WDFY4: variants seen among roughly 807,000 people sequenced by gnomAD.
WDFY4 encodes the protein WDFY family member 4, also known as WD repeat- and FYVE domain-containing protein 4.
A neutral mutation model predicts 351.9 loss-of-function variants in WDFY4; 169 were observed. The observed-to-expected ratio is 0.48, with a 90% CI of 0.42 to 0.55. WDFY4 has a LOEUF of 0.55. WDFY4 is among the 20% of genes least tolerant of loss of function. The probability of loss-of-function intolerance (pLI) is 0.00; values close to 1 mark genes in which losing one functional copy is unlikely to be tolerated. For synonymous variants in WDFY4, 1,622 were observed against 1,574.6 expected, an observed-to-expected ratio of 1.03 and a Z score of -0.71; for missense variants, 3,803 against 3,935.6, an observed-to-expected ratio of 0.97 and a Z score of 0.90.
intron 25 of WDFY4, chr10:48,804,889 A>C: frequency 1.6e-5 from 9 of 574,024 alleles, no homozygotes; most frequent in Non-Finnish European, 1.8e-5. Context: ...CAAGCTAGTG[A>C]AGGGCCCTGC....
chr10:48,829,991 A>C (rs2068133276), intron 37 of WDFY4, among the ~76,000 whole-genome samples: 1 of 152,214 alleles, frequency 6.6e-6, no homozygotes, highest in Non-Finnish European at 1.5e-5. Flanking sequence ...CTTGGCCAGT[A>C]GAGCTGGGCT....
At chr10:48,724,506 C>T (rs758704215) in intron 5 of WDFY4, among the ~76,000 whole-genome samples, 13 of 152,048 alleles carry the variant, frequency 8.5e-5, no homozygotes, top group Admixed American at 2.0e-4. Context: ...GAGGCCAGGA[C>T]GCTGCACCAG....
chr10:48,774,719 C>A, intron 14 of WDFY4, 47 bp downstream of exon 14: 1 of 1,546,878 alleles, frequency 6.5e-7, no homozygotes, highest in Non-Finnish European at 8.7e-7. Context: ...GCAGCCATGT[C>A]CTTTGCAGGG....
rs1244627099 is a variant in WDFY4, at chr10:48,821,134, C to T, written c.5782C>T (p.Leu1928=). The change falls in exon 34 of 62, where the codon CTA becomes TTA. Residue 1928 remains leucine, a synonymous_variant. Transcript: ENST00000325239. ...CGAGGTCCTGCTTTCTGCTATGGAA[C>T]TATTCCACATGACAAGTGGAGGTGA... The part of the protein sequence containing the change: ...QSEVLLSAME[L]FHMTSGGDAA... 6.4e-7 allele frequency: 1 copy of T among 1,551,718 alleles called. No homozygotes were observed. The highest frequency in any genetic ancestry group is 2.0e-5 in the Admixed American group (1 of 51,004).
At chr10:48,756,046 T>A (rs1437715820) in intron 12 of WDFY4, among the ~76,000 whole-genome samples, 1 of 152,074 alleles carries the variant, frequency 6.6e-6, no homozygotes, top group African/African-American at 2.4e-5. Flanking sequence ...AATGATCAGC[T>A]TGCCTATATC....
At chr10:48,922,741 A>T (rs138774766) in intron 47 of WDFY4, among the ~76,000 whole-genome samples, 25 of 152,328 alleles carry the variant, frequency 1.6e-4, no homozygotes, top group African/African-American at 6.0e-4. Context: ...ACATGCGACA[A>T]CTTGGATGAA....
rs1264722181 is a variant in WDFY4 at position 48,981,274 on chromosome 10, G to A, written c.9377-93G>A. Reference sequence around the variant, plus strand: ...AGTTGCTGACCACAAATATAAATATGTGCGTATGTGTTTGCGGCCCCGTGT... The same window carrying A: ...AGTTGCTGACCACAAATATAAATATATGCGTATGTGTTTGCGGCCCCGTGT... On this transcript the variant is annotated intron_variant, in intron 60 of 61. Transcript: ENST00000325239. 3 of 973,716 alleles carry A rather than the reference G, an allele frequency of 3.1e-6. No homozygotes were observed. In the African/African-American group the frequency reaches 4.9e-5, roughly 16 times the overall value. The allele number at this position is 973,716 out of a possible 1,614,324, so 60.3% of individuals were successfully genotyped here.
chr10:48,883,394 G>T (rs889772021), intron 43 of WDFY4, among the ~76,000 whole-genome samples: 9 of 152,106 alleles, frequency 5.9e-5, no homozygotes, highest in African/African-American at 1.9e-4. Flanking sequence ...CAAGGGGTGT[G>T]TGTGTGTGTG....
chr10:48,728,710 T>C (rs550896909), intron 7 of WDFY4, among the ~76,000 whole-genome samples: 7 of 152,390 alleles, frequency 4.6e-5, no homozygotes, highest in African/African-American at 1.7e-4. Flanking sequence ...ACATTTTGCA[T>C]TGGTCTGGGC....
At position 48,821,109 on chromosome 10, in the gene WDFY4, C is replaced by A. The variant is rs751254072; in HGVS notation, c.5757C>A (p.Ser1919=). The part of the protein sequence containing the change: ...ATSQQKRDFQ[S]EVLLSAMELF... ...GCCAACAGAAGCGAGACTTCCAGTC[C>A]GAGGTCCTGCTTTCTGCTATGGAAC... Residue 1919 remains serine (S), a synonymous_variant, in exon 34 of 62, where the codon TCC becomes TCA. Coordinates refer to ENST00000325239, the MANE Select transcript of WDFY4 (RefSeq NM_001394531.1). The A allele has an allele frequency of 5.8e-6, 9 of 1,551,566 alleles. No individual in the cohort carries two copies. In the Admixed American group the frequency reaches 1.8e-4, roughly 30 times the overall value.
chr10:48,903,147 A>G (rs1196150415), intron 47 of WDFY4, among the ~76,000 whole-genome samples: 1 of 152,144 alleles, frequency 6.6e-6, no homozygotes, highest in African/African-American at 2.4e-5. Flanking sequence ...CAGTTAATTG[A>G]GTAAAGAGTG....
intron 47 of WDFY4, among the ~76,000 whole-genome samples, chr10:48,922,485 G>A (rs1486141328): frequency 1.3e-5 from 2 of 152,204 alleles, no homozygotes; most frequent in African/African-American, 2.4e-5. Flanking sequence ...CAGCAAGAAT[G>A]AATCTTCTAT....
At chr10:48,748,080 C>A (rs7914884) in intron 12 of WDFY4, among the ~76,000 whole-genome samples, 20,120 of 152,180 alleles carry the variant, frequency 0.13, 1,530 homozygotes, top group African/African-American at 0.2. Context: ...CAGGGGCAAT[C>A]CCTGAGGAGG....
chr10:48,867,419 C>T, intron 40 of WDFY4, 77 bp downstream of exon 40: 1 of 955,650 alleles, frequency 1.0e-6, no homozygotes, highest in Admixed American at 3.4e-5. Context: ...TTGGAAGGGC[C>T]TTTGGTTTAC....
intron 37 of WDFY4, among the ~76,000 whole-genome samples, chr10:48,829,322 G>A (rs2068110825): frequency 6.6e-6 from 1 of 152,154 alleles, no homozygotes; most frequent in Admixed American, 6.5e-5. Context: ...TAAATGAGAA[G>A]GGATTAAACA....
intron 60 of WDFY4, 57 bp from the exon 61 acceptor site, chr10:48,981,310 A>G: frequency 6.8e-7 from 1 of 1,474,636 alleles, no homozygotes; most frequent in Middle Eastern, 1.7e-4. Flanking sequence ...GCAGATGCAC[A>G]CTGTATGTGC....
chr10:48,741,855 C>A (rs1435596708), intron 11 of WDFY4, among the ~76,000 whole-genome samples: 1 of 152,194 alleles, frequency 6.6e-6, no homozygotes, highest in African/African-American at 2.4e-5. Context: ...TACTAAGGAA[C>A]CCACAAGGTT....
chr10:48,689,752 G>GAACCA (rs1451138974), intron 1 of WDFY4, among the ~76,000 whole-genome samples: 1 of 152,178 alleles, frequency 6.6e-6, no homozygotes, highest in African/African-American at 2.4e-5. Context: ...AAAGCCACTT[G>GAACCA]AACCAAATAA....
intron 39 of WDFY4, among the ~76,000 whole-genome samples, chr10:48,834,706 G>T (rs2068320300): frequency 6.6e-6 from 1 of 152,218 alleles, no homozygotes. Flanking sequence ...GGACAGCCTG[G>T]CTGGGAGCTA....
Sources: gnomAD v4.1 joint callset for allele counts (sites outside exome capture counted in the v4.1 genomes callset) on GRCh38, gnomAD v4.1.1 for gene constraint, MANE v1.5 for transcripts, NCBI Gene and HGNC (gene_info 2026-07-23, HGNC 2026-07-21) for gene names.